Variants in SLC25A14 observed in about 807,000 individuals in gnomAD.
SLC25A14 encodes the protein brain mitochondrial carrier protein 1.
Under a neutral mutation model 28.1 loss-of-function variants are expected in SLC25A14, and 8 were observed. The observed-to-expected ratio is 0.28, with a 90% CI of 0.17 to 0.51. SLC25A14 has a LOEUF of 0.51. Among genes scored for constraint, SLC25A14 ranks in the 20% least tolerant of loss-of-function variants. SLC25A14 has a pLI of 0.97. For missense variants in SLC25A14, 135 were observed against 263.8 expected, an observed-to-expected ratio of 0.51 and a Z score of 3.38; for synonymous variants, 74 against 90.6, an observed-to-expected ratio of 0.82 and a Z score of 1.04.
rs1292306157 is a variant in SLC25A14, at chrX:130,350,672, T to A, written c.439T>A (p.Cys147Ser). 8.6e-7 allele frequency: 1 copy of A among 1,167,445 alleles called. No individual in the cohort carries two copies. Among genetic ancestry groups the A allele is most frequent in the Non-Finnish European group, 1.2e-6 (1 of 859,789 alleles). The change falls in exon 6 of 11, where the codon TGT becomes AGT. Residue 147 changes from cysteine (C) to serine (S), a missense_variant. Coordinates refer to ENST00000545805, the MANE Select transcript of SLC25A14 (RefSeq NM_001282195.2). ...EDETLLINMI[C>S]GVVSGVISST... ...TGAAACTCTTTTAATTAATATGATC[T>A]GTGGGGTAGTGTCAGGAGTGATATC...
chrX:130,342,122 T>TA (rs1307875008), intron 2 of SLC25A14, among the ~76,000 whole-genome samples: 1 of 112,368 alleles, frequency 8.9e-6, no homozygotes, highest in Admixed American at 9.4e-5. Context: ...TTGGGGATCT[T>TA]ACTTAGTTAA....
intron 9 of SLC25A14, among the ~76,000 whole-genome samples, chrX:130,368,026 G>C (rs189781476): frequency 8.9e-6 from 1 of 112,331 alleles, no homozygotes; most frequent in Non-Finnish European, 1.9e-5. Context: ...TGATCCACCC[G>C]CCTTGGCCTC....
intron 10 of SLC25A14, among the ~76,000 whole-genome samples, 157 bp downstream of exon 10, chrX:130,371,801 TCA>T (rs2034269153): frequency 8.9e-6 from 1 of 111,934 alleles, no homozygotes; most frequent in Non-Finnish European, 1.9e-5. Flanking sequence ...GAAACAGCTT[TCA>T]GTTGGAGGCT....
At chrX:130,354,155 C>G (rs1380740071) in intron 6 of SLC25A14, among the ~76,000 whole-genome samples, 3 of 106,811 alleles carry the variant, frequency 2.8e-5, no homozygotes, top group Non-Finnish European at 5.8e-5. Flanking sequence ...GCTCTGTCTC[C>G]CAGGCTGGAG....
At chrX:130,372,856 C>T in intron 10 of SLC25A14, 53 bp from the exon 11 acceptor site, 2 of 834,923 alleles carry the variant, frequency 2.4e-6, no homozygotes, top group East Asian at 6.3e-5. Context: ...AATTTTAGAA[C>T]TAGCTTTGGC....
intron 7 of SLC25A14, among the ~76,000 whole-genome samples, chrX:130,364,059 A>G (rs184529839): frequency 2.7e-5 from 3 of 112,057 alleles, no homozygotes; most frequent in Non-Finnish European, 5.6e-5. Flanking sequence ...AAAAATCGTT[A>G]TAGCCATCCT....
At chrX:130,349,449 A>C (rs749860245) in intron 5 of SLC25A14, 104 bp downstream of exon 5, 1 of 442,837 alleles carries the variant, frequency 2.3e-6, no homozygotes, top group Non-Finnish European at 3.9e-6. Context: ...GAGGAGAGTC[A>C]CTGCAAAGAC....
At chrX:130,372,862 T>A in intron 10 of SLC25A14, 47 bp from the exon 11 acceptor site, 1 of 933,367 alleles carries the variant, frequency 1.1e-6, no homozygotes, top group Non-Finnish European at 1.5e-6. Context: ...AGAACTAGCT[T>A]TGGCTTTCGA....
intron 5 of SLC25A14, chrX:130,349,922 C>G (rs1425419735): frequency 3.6e-5 from 4 of 111,617 alleles, no homozygotes; most frequent in Non-Finnish European, 5.7e-5. Flanking sequence ...TTTTCTGAAG[C>G]CTTTTTTTGG....
chrX:130,367,853 G>C (rs1204419522), intron 9 of SLC25A14, among the ~76,000 whole-genome samples: 1 of 112,060 alleles, frequency 8.9e-6, no homozygotes, highest in African/African-American at 3.2e-5. Flanking sequence ...CGTGATCTCT[G>C]CTCACTGCAA....
rs61628093 is a variant in SLC25A14 at position 130,363,739 on chromosome X, T to A, written c.595-889T>A. ...TTTACTTTTTCTTTCTTAATTTTTT[T>A]AAATTTTTTTTTGAGGCAGGATCTT... is the stretch of plus-strand genomic sequence containing the variant. On this transcript the variant is annotated intron_variant, in intron 7 of 10. Coordinates refer to ENST00000545805, the MANE Select transcript of SLC25A14 (RefSeq NM_001282195.2). Among the ~76,000 whole-genome samples, 840 of 111,421 alleles carry A rather than the reference T, an allele frequency of 7.5e-3. 12 individuals are homozygous for A. Among genetic ancestry groups the A allele is most frequent in the African/African-American group, 0.026 (796 of 30,619 alleles).
chrX:130,349,228 C>T (rs779630864), intron 4 of SLC25A14, 23 bp from the exon 5 acceptor site: 3 of 1,046,656 alleles, frequency 2.9e-6, no homozygotes, highest in Admixed American at 4.9e-5. Flanking sequence ...TTGAGAATAA[C>T]TTTTTACTTT....
intron 6 of SLC25A14, among the ~76,000 whole-genome samples, chrX:130,355,907 A>T (rs909129068): frequency 9.0e-6 from 1 of 111,529 alleles, no homozygotes; most frequent in African/African-American, 3.3e-5. Flanking sequence ...TTGTGATATC[A>T]TTTAACTTAT....
chrX:130,364,933 T>G, intron 8 of SLC25A14, 181 bp downstream of exon 8: 1 of 988,870 alleles, frequency 1.0e-6, no homozygotes, highest in South Asian at 2.5e-5. Context: ...TGCCAGGTGC[T>G]ATGGGGGCTT....
Position 130,371,643 on chromosome X carries a change from T to C in SLC25A14, c.935T>C (p.Ile312Thr). Reference sequence around the variant, plus strand: ...CTTCGGCTTGGACCCTGGAACATCATTGTATCCTTTGAGAGAATGAAAGCA... The same window carrying C: ...CTTCGGCTTGGACCCTGGAACATCACTGTATCCTTTGAGAGAATGAAAGCA... The part of the protein sequence containing the change: ...NWLRLGPWNI[I>T]FFITYEQLKR... Residue 312 changes from isoleucine to threonine, a missense_variant and splice_region_variant, in exon 10 of 11, where the codon ATT becomes ACT. Coordinates refer to ENST00000545805, the MANE Select transcript of SLC25A14 (RefSeq NM_001282195.2). 8.5e-7 allele frequency: 1 copy of C among 1,182,810 alleles called. No individual in the cohort carries two copies. Among genetic ancestry groups the C allele is most frequent in the Non-Finnish European group, 1.1e-6 (1 of 869,790 alleles).
intron 9 of SLC25A14, among the ~76,000 whole-genome samples, chrX:130,368,641 G>A (rs1247481120): frequency 8.9e-6 from 1 of 112,666 alleles, no homozygotes; most frequent in Admixed American, 9.4e-5. Flanking sequence ...TTTATTGAAT[G>A]CTTATTCTAT....
chrX:130,370,756 A>G (rs1199048528), intron 9 of SLC25A14, among the ~76,000 whole-genome samples: 2 of 112,072 alleles, frequency 1.8e-5, no homozygotes, highest in African/African-American at 6.5e-5. Flanking sequence ...GATATAATAT[A>G]TATCAATTTG....
intron 7 of SLC25A14, among the ~76,000 whole-genome samples, chrX:130,362,537 A>G (rs2034003399): frequency 8.9e-6 from 1 of 111,953 alleles, no homozygotes; most frequent in Non-Finnish European, 1.9e-5. Context: ...AAAAATGAAA[A>G]TTAACATCTC....
At chrX:130,372,200 TG>T (rs1339377497) in intron 10 of SLC25A14, among the ~76,000 whole-genome samples, 1 of 111,809 alleles carries the variant, frequency 8.9e-6, no homozygotes. Context: ...TCTGCCCTTG[TG>T]GGGTCTGTAG....
Sources: allele counts gnomAD v4.1 joint callset (sites outside exome capture counted in the v4.1 genomes callset), GRCh38; gene constraint gnomAD v4.1.1; transcripts MANE v1.5; gene names NCBI Gene and HGNC (gene_info 2026-07-23, HGNC 2026-07-21).